The following HMCN2 variants were observed in gnomAD, a reference collection of about 807,000 sequenced individuals.
HMCN2 encodes hemicentin 2.
HMCN2 carries 325 observed loss-of-function variants against 377.5 expected under a neutral mutation model. The observed-to-expected ratio is 0.86, with a 90% CI of 0.79 to 0.94. The LOEUF is 0.94. Among genes scored for constraint, HMCN2 ranks in the 40% least tolerant of loss-of-function variants. The pLI is 0.00. For synonymous variants in HMCN2, 2,007 were observed against 2,046.8 expected (o/e 0.98, Z 0.53); for missense variants, 4,543 against 4,725.3 (o/e 0.96, Z 1.13).
chr9:130,372,332 G>A lies in HMCN2; in HGVS notation c.7276G>A (p.Asp2426Asn). 1.0e-6 allele frequency: 1 copy of A among 986,036 alleles called. No homozygotes were observed. The highest frequency in any genetic ancestry group is 1.2e-6 in the Non-Finnish European group (1 of 830,072). 61.1% of individuals were successfully genotyped at this position (986,036 alleles called of 1,614,324 possible). Residue 2426 changes from aspartate to asparagine, a missense_variant, in exon 47 of 98, where the codon GAC (aspartate) becomes AAC (asparagine). Asp to Asn is a conservative substitution (Grantham distance 23). Coordinates refer to ENST00000683500, the MANE Select transcript of HMCN2 (RefSeq NM_001291815.2). ...GAAGATGACTCAGACACAGGAGCAA[G>A]ACAGTGGCCTCTACTCATGCCTGGC... Reference protein sequence around the residue: ...MLKMTQTQEQDSGLYSCLASN... With the variant: ...MLKMTQTQEQNSGLYSCLASN...
chr9:130,391,162 G>A (rs1842301352), intron 63 of HMCN2, 42 bp downstream of exon 63: 3 of 987,810 alleles, frequency 3.0e-6, no homozygotes, highest in Non-Finnish European at 3.6e-6. Flanking sequence ...TCCCATGGCA[G>A]CCCCTGCCAT....
intron 80 of HMCN2, among the ~76,000 whole-genome samples, chr9:130,404,577 G>T (rs956242556): frequency 2.6e-5 from 4 of 152,228 alleles, no homozygotes; most frequent in African/African-American, 9.6e-5. Flanking sequence ...CCTGCCCAAG[G>T]CCTCTGTCCT....
In HMCN2 at chr9:130,422,571, T is replaced by C. The variant is rs1033597948; in HGVS notation, c.13232-6T>C. 16 of 1,316,424 alleles carry C rather than the reference T, an allele frequency of 1.2e-5. No individual in the cohort carries two copies. Among genetic ancestry groups the C allele is most frequent in the Non-Finnish European group, 1.5e-5 (15 of 1,026,442 alleles). The allele number at this position is 1,316,424 out of a possible 1,614,324, so 81.5% of individuals were successfully genotyped here. Reference sequence around the variant, plus strand: ...GTGGCACTGTCATTCTTTCCCTTCCTTACAGGGGAGCCCCAGGGGAGCTGG... The same window carrying C: ...GTGGCACTGTCATTCTTTCCCTTCCCTACAGGGGAGCCCCAGGGGAGCTGG... On this transcript the variant is annotated splice_polypyrimidine_tract_variant and splice_region_variant and intron_variant, in intron 86 of 97. Coordinates refer to ENST00000683500, the MANE Select transcript of HMCN2 (RefSeq NM_001291815.2). The surrounding 1 kb of genome is among the most constrained non-coding windows in gnomAD (Gnocchi z 4.2).
Position 130,356,217 on chromosome 9 carries a change from G to A in HMCN2, c.5385G>A (p.Glu1795=), listed in dbSNP as rs1021016317. The A allele has an allele frequency of 1.5e-6, 2 of 1,302,864 alleles. No homozygotes were observed. The highest frequency in any genetic ancestry group is 2.0e-6 in the Non-Finnish European group (2 of 988,828). 80.7% of individuals were successfully genotyped at this position (1,302,864 alleles called of 1,614,324 possible). The change falls in exon 34 of 98, where the codon GAG becomes GAA. Residue 1795 remains glutamate (E), a synonymous_variant. Transcript: ENST00000683500. ...SGLFACQATN[E]AGTAGAEVEV... ...TCTTCGCCTGCCAGGCCACCAATGAGGCGGGCACTGCCGGGGCCGAGGTGG... is the reference window on the plus strand; with the variant it reads ...TCTTCGCCTGCCAGGCCACCAATGAAGCGGGCACTGCCGGGGCCGAGGTGG...
At chr9:130,397,429 C>T in intron 73 of HMCN2, 99 bp from the exon 74 acceptor site, 1 of 1,142,816 alleles carries the variant, frequency 8.8e-7, no homozygotes, top group Non-Finnish European at 1.1e-6. Flanking sequence ...CATCCTCTCA[C>T]TGGGAAAGTG....
chr9:130,294,734 G>C (rs1282438731), intron 4 of HMCN2, 121 bp from the exon 5 acceptor site: 2 of 337,774 alleles, frequency 5.9e-6, no homozygotes, highest in Non-Finnish European at 1.2e-5. Flanking sequence ...GCCTGGTGTT[G>C]GACATGGAGG....
At position 130,384,482 on chromosome 9, in the gene HMCN2, G is replaced by T. The variant is rs1305696862; in HGVS notation, c.8940G>T (p.Trp2980Cys). The T allele has an allele frequency of 7.7e-7, 1 of 1,304,272 alleles. No individual in the cohort carries two copies. Among genetic ancestry groups the T allele is most frequent in the Non-Finnish European group, 1.0e-6 (1 of 988,964 alleles). The allele number at this position is 1,304,272 out of a possible 1,614,324, so 80.8% of individuals were successfully genotyped here. Residue 2980 changes from tryptophan to cysteine, a missense_variant, in exon 58 of 98, where the codon TGG (tryptophan) becomes TGT (cysteine). Trp to Cys is a radical substitution (Grantham distance 215). Coordinates refer to ENST00000683500, the MANE Select transcript of HMCN2 (RefSeq NM_001291815.2). ...VHAHPNPEVT[W>C]YKDSQALSLG... ...CTCACCCAAACCCCGAGGTCACGTG[G>T]TACAAGGACAGCCAGGCCCTCTCCC... is the stretch of plus-strand genomic sequence containing the variant.
chr9:130,433,448 G>A lies in HMCN2; in HGVS notation c.14995G>A (p.Asp4999Asn), dbSNP rs763915336. Residue 4999 changes from aspartate (D) to asparagine (N), a missense_variant, in exon 98 of 98, where the codon GAC becomes AAC. Transcript: ENST00000683500. ...PLPLGVRAHH[D>N]VARLTAFSEV... ...GCCCCTGGGCGTGCGCGCCCACCAC[G>A]ACGTGGCCCGCCTCACCGCCTTCTC... 13 of 1,498,328 alleles carry A rather than the reference G, an allele frequency of 8.7e-6. No individual in the cohort carries two copies. The South Asian group carries it at 1.4e-4, about 16-fold the overall frequency. The allele number at this position is 1,498,328 out of a possible 1,614,324, so 92.8% of individuals were successfully genotyped here.
intron 36 of HMCN2, among the ~76,000 whole-genome samples, chr9:130,358,750 C>T (rs922921547): frequency 6.6e-6 from 1 of 151,936 alleles, no homozygotes; most frequent in Non-Finnish European, 1.5e-5. Flanking sequence ...CTCGGCTCAC[C>T]GCAAGCTCCG....
At chr9:130,284,071 C>A (rs1835286379) in intron 1 of HMCN2, among the ~76,000 whole-genome samples, 1 of 152,204 alleles carries the variant, frequency 6.6e-6, no homozygotes, top group Admixed American at 6.5e-5. Flanking sequence ...CCTTGCCAAC[C>A]TTGAGTGCAG....
At chr9:130,311,486 A>T (rs1473846217) in intron 15 of HMCN2, among the ~76,000 whole-genome samples, 2 of 152,212 alleles carry the variant, frequency 1.3e-5, no homozygotes, top group Non-Finnish European at 2.9e-5. Flanking sequence ...GGTGAGACAC[A>T]GCATCAACCT....
intron 71 of HMCN2, 59 bp from the exon 72 acceptor site, chr9:130,395,865 G>A: frequency 8.1e-7 from 1 of 1,240,686 alleles, no homozygotes; most frequent in Admixed American, 2.5e-5. Context: ...TCTGCTGCCG[G>A]GTGGCCTGAC....
intron 22 of HMCN2, among the ~76,000 whole-genome samples, chr9:130,331,369 A>G (rs1183309462): frequency 3.9e-5 from 6 of 152,206 alleles, no homozygotes; most frequent in African/African-American, 1.4e-4. Flanking sequence ...GAGGGTGGGA[A>G]TGGTCACTGA....
intron 1 of HMCN2, among the ~76,000 whole-genome samples, chr9:130,267,274 A>T (rs2131198261): frequency 6.6e-6 from 1 of 151,858 alleles, no homozygotes; most frequent in East Asian, 2.0e-4. Flanking sequence ...GAAAATTTCA[A>T]ACTTACAGTA....
At chr9:130,290,329 G>T (rs1019671254) in intron 4 of HMCN2, among the ~76,000 whole-genome samples, 7 of 152,198 alleles carry the variant, frequency 4.6e-5, no homozygotes, top group Non-Finnish European at 1.0e-4. Flanking sequence ...GTGGGTCACT[G>T]GCTTTCTGCC....
chr9:130,349,425 T>A lies in HMCN2; in HGVS notation c.4304-112T>A. ...GGTTTTGGGGGGCTTCCCAGGAAGG[T>A]CAGGTAGGAGGGGGGCCCAGGCTGG... On this transcript the variant is annotated intron_variant, in intron 28 of 97. Transcript: ENST00000683500. The A allele has an allele frequency of 1.7e-6, 2 of 1,171,412 alleles. 1 individual carries two copies. Among genetic ancestry groups the A allele is most frequent in the South Asian group, 3.0e-5 (2 of 66,040 alleles). The allele number at this position is 1,171,412 out of a possible 1,614,324, so 72.6% of individuals were successfully genotyped here.
At chr9:130,421,822 G>A (rs1844031667) in intron 86 of HMCN2, among the ~76,000 whole-genome samples, 1 of 152,186 alleles carries the variant, frequency 6.6e-6, no homozygotes, top group African/African-American at 2.4e-5. Flanking sequence ...ATCCATTTAG[G>A]ATCCTAGCAC....
Position 130,349,091 on chromosome 9 carries a change from G to T in HMCN2, c.4263G>T (p.Gln1421His). The change falls in exon 28 of 98, where the codon CAG (glutamine) becomes CAT (histidine). Residue 1421 changes from glutamine to histidine, a missense_variant. Coordinates refer to ENST00000683500, the MANE Select transcript of HMCN2 (RefSeq NM_001291815.2). Reference protein sequence around the residue: ...SGLYSCRAENQAGTAQRDFHL... With the variant: ...SGLYSCRAENHAGTAQRDFHL... ...TCTACTCCTGCCGGGCAGAGAACCA[G>T]GCTGGCACCGCCCAGAGGGACTTCC... 1 of 1,304,226 alleles carries T rather than the reference G, an allele frequency of 7.7e-7. No homozygotes were observed. The highest frequency in any genetic ancestry group is 1.0e-6 in the Non-Finnish European group (1 of 988,912). The allele number at this position is 1,304,226 out of a possible 1,614,324, so 80.8% of individuals were successfully genotyped here. A position where few individuals can be genotyped will look rare whatever the true frequency, so the allele number is the denominator to read the frequency against.
At chr9:130,298,247 C>T (rs1162377309) in intron 7 of HMCN2, among the ~76,000 whole-genome samples, 2 of 152,088 alleles carry the variant, frequency 1.3e-5, no homozygotes, top group Non-Finnish European at 2.9e-5. Context: ...AGCCACCATG[C>T]CAGGCCAAGA....
Sources: allele counts gnomAD v4.1 joint callset (sites outside exome capture counted in the v4.1 genomes callset), GRCh38; gene constraint gnomAD v4.1.1; non-coding constraint Gnocchi (gnomAD v3.1); transcripts MANE v1.5; gene names NCBI Gene and HGNC (gene_info 2026-07-23, HGNC 2026-07-21).